The following DCC variants were observed in gnomAD, a reference collection of about 807,000 sequenced individuals.
DCC encodes the protein netrin receptor DCC.
In DCC, 58 loss-of-function variants were observed where a neutral mutation model predicts 172.5. The observed-to-expected ratio is 0.34, with a 90% CI of 0.27 to 0.42. The LOEUF (loss-of-function observed/expected upper bound fraction) is 0.42, where lower values mean the gene tolerates loss of function less well. DCC is among the 10% of genes least tolerant of loss of function. The pLI is 1.00. For missense variants in DCC, 1,740 were observed against 1,791.0 expected, an observed-to-expected ratio of 0.97 and a Z score of 0.51; for synonymous variants, 709 against 644.5, an observed-to-expected ratio of 1.10 and a Z score of -1.52.
intron 2 of DCC, among the ~76,000 whole-genome samples, chr18:52,795,849 G>T (rs2145215867): frequency 6.6e-6 from 1 of 151,926 alleles, no homozygotes; most frequent in African/African-American, 2.4e-5. Context: ...TGATGCAATA[G>T]TTGCTCAGGA....
intron 26 of DCC, among the ~76,000 whole-genome samples, chr18:53,499,058 C>G (rs1391854276): frequency 6.6e-6 from 1 of 152,174 alleles, no homozygotes; most frequent in Non-Finnish European, 1.5e-5. Context: ...ATATATTTTA[C>G]TATTCTTTCT....
intron 5 of DCC, among the ~76,000 whole-genome samples, chr18:52,977,141 T>C (rs1324085985): frequency 1.3e-5 from 2 of 152,172 alleles, no homozygotes; most frequent in Non-Finnish European, 2.9e-5. Context: ...TTGTTTTATG[T>C]CATCTTTTTT....
chr18:52,663,700 G>T (rs1458800322), intron 1 of DCC, among the ~76,000 whole-genome samples: 1 of 152,104 alleles, frequency 6.6e-6, no homozygotes, highest in Non-Finnish European at 1.5e-5. Context: ...AAAAGAAGAA[G>T]TATGTTTTGA....
chr18:52,437,611 T>C (rs1987838641), intron 1 of DCC, among the ~76,000 whole-genome samples: 2 of 152,172 alleles, frequency 1.3e-5, no homozygotes, highest in Admixed American at 6.5e-5. Flanking sequence ...TAATTCTCCC[T>C]CTAACTAGAG....
intron 1 of DCC, among the ~76,000 whole-genome samples, chr18:52,651,580 TTTTTA>T: frequency 6.6e-6 from 1 of 152,074 alleles, no homozygotes; most frequent in East Asian, 1.9e-4. Context: ...AGTCTACTCC[TTTTTA>T]TCTATTGTGT....
At chr18:52,473,763 T>G (rs951642071) in intron 1 of DCC, among the ~76,000 whole-genome samples, 1 of 152,136 alleles carries the variant, frequency 6.6e-6, no homozygotes, top group East Asian at 1.9e-4. Flanking sequence ...CAAGATGAGA[T>G]TTGGGTTGGG....
At chr18:53,282,631 T>C (rs1217541790) in intron 12 of DCC, among the ~76,000 whole-genome samples, 1 of 152,184 alleles carries the variant, frequency 6.6e-6, no homozygotes, top group African/African-American at 2.4e-5. Context: ...TTTTGTCATT[T>C]CTGTAGGCTA....
intron 1 of DCC, among the ~76,000 whole-genome samples, chr18:52,693,624 G>T (rs2035966073): frequency 6.6e-6 from 1 of 151,722 alleles, no homozygotes; most frequent in East Asian, 1.9e-4. Flanking sequence ...CTAGTAAAAG[G>T]GATATTGGCT....
At chr18:52,344,373 C>T (rs1447628903) in intron 1 of DCC, among the ~76,000 whole-genome samples, 1 of 152,110 alleles carries the variant, frequency 6.6e-6, no homozygotes, top group Admixed American at 6.6e-5. Context: ...GATATTTTTA[C>T]TTGTTTTTAG....
chr18:53,252,410 G>C (rs1199874980), intron 12 of DCC, among the ~76,000 whole-genome samples: 1 of 151,874 alleles, frequency 6.6e-6, no homozygotes, highest in Non-Finnish European at 1.5e-5. Context: ...TCATGTGACA[G>C]TATGTTGACA....
chr18:53,069,118 A>G (rs937333946), intron 7 of DCC, among the ~76,000 whole-genome samples: 1 of 152,100 alleles, frequency 6.6e-6, no homozygotes, highest in Admixed American at 6.6e-5. Context: ...CAGTAACACC[A>G]AAGTTTTCTG....
At chr18:52,484,825 A>G (rs1471722889) in intron 1 of DCC, among the ~76,000 whole-genome samples, 2 of 151,980 alleles carry the variant, frequency 1.3e-5, no homozygotes, top group African/African-American at 4.8e-5. Context: ...GAAAAAAAAA[A>G]AAAGAAATTG....
At chr18:52,704,769 C>T (rs1056071414) in intron 1 of DCC, among the ~76,000 whole-genome samples, 5 of 152,268 alleles carry the variant, frequency 3.3e-5, no homozygotes, top group South Asian at 2.1e-4. Flanking sequence ...CTCCAGTGGG[C>T]GTGCCTTCTT....
chr18:53,036,574 A>G (rs972145763), intron 5 of DCC, among the ~76,000 whole-genome samples: 5 of 152,068 alleles, frequency 3.3e-5, no homozygotes, highest in Non-Finnish European at 5.9e-5. Context: ...GTGTGTCTCA[A>G]TACAGTAAAA....
chr18:52,396,801 A>T (rs937912536), intron 1 of DCC, among the ~76,000 whole-genome samples: 1 of 152,078 alleles, frequency 6.6e-6, no homozygotes, highest in East Asian at 1.9e-4. Flanking sequence ...CAATTTAATG[A>T]ATAGTAACTA....
chr18:52,800,043 C>A (rs1037677189), intron 2 of DCC, among the ~76,000 whole-genome samples: 5 of 152,100 alleles, frequency 3.3e-5, no homozygotes, highest in African/African-American at 9.7e-5. Flanking sequence ...ATTTGCTGAA[C>A]TAGTTTAAAT....
chr18:52,361,683 A>C (rs1339959407), intron 1 of DCC, among the ~76,000 whole-genome samples: 1 of 152,168 alleles, frequency 6.6e-6, no homozygotes, highest in Non-Finnish European at 1.5e-5. Context: ...CTTCATCCAA[A>C]ATTTACTGAA....
intron 2 of DCC, among the ~76,000 whole-genome samples, chr18:52,902,396 T>C (rs1005050826): frequency 9.9e-5 from 15 of 152,148 alleles, no homozygotes; most frequent in African/African-American, 3.4e-4. Context: ...GCTGCTATCA[T>C]TACAACGGAT....
chr18:52,700,137 TCTCTTGCC>T (rs1313364896), intron 1 of DCC, among the ~76,000 whole-genome samples: 2 of 151,562 alleles, frequency 1.3e-5, no homozygotes, highest in Non-Finnish European at 2.9e-5. Flanking sequence ...GCTCTCTCGC[TCTCTTGCC>T]CCACACACAC....
Sources: gnomAD v4.1 joint callset for allele counts (sites outside exome capture counted in the v4.1 genomes callset) on GRCh38, gnomAD v4.1.1 for gene constraint, MANE v1.5 for transcripts, NCBI Gene and HGNC (gene_info 2026-07-23, HGNC 2026-07-21) for gene names.